The following PRKCB variants were observed in gnomAD, a reference collection of about 807,000 sequenced individuals.
PRKCB encodes protein kinase C beta.
Under a neutral mutation model 81.5 loss-of-function variants are expected in PRKCB, and 13 were observed. That is an observed-to-expected ratio of 0.16 (90% CI 0.10 to 0.25). PRKCB has a LOEUF of 0.25. PRKCB is among the 10% of genes least tolerant of loss of function. The probability of loss-of-function intolerance (pLI) is 1.00; values close to 1 mark genes in which losing one functional copy is unlikely to be tolerated. For missense variants in PRKCB, 509 were observed against 875.7 expected, an observed-to-expected ratio of 0.58 and a Z score of 5.29; for synonymous variants, 335 against 321.4, an observed-to-expected ratio of 1.04 and a Z score of -0.45.
chr16:24,005,050 G>A (rs903104434), intron 3 of PRKCB, among the ~76,000 whole-genome samples: 1 of 152,110 alleles, frequency 6.6e-6, no homozygotes, highest in African/African-American at 2.4e-5. Context: ...GGGATAAGGG[G>A]AATGTTCTGT....
intron 9 of PRKCB, among the ~76,000 whole-genome samples, chr16:24,135,714 G>A (rs1966862584): frequency 1.3e-5 from 2 of 152,116 alleles, no homozygotes; most frequent in African/African-American, 4.8e-5. Flanking sequence ...AGGAACAAAG[G>A]CCTTCTCTAA....
intron 5 of PRKCB, among the ~76,000 whole-genome samples, chr16:24,062,211 G>T (rs1965983093): frequency 6.6e-6 from 1 of 152,190 alleles, no homozygotes; most frequent in South Asian, 2.1e-4. Context: ...CTTGTGATCT[G>T]GGCCAGCTTG....
chr16:23,845,907 C>T (rs992059822), intron 2 of PRKCB, among the ~76,000 whole-genome samples: 4 of 152,190 alleles, frequency 2.6e-5, no homozygotes, highest in South Asian at 4.2e-4. Context: ...CAAGTCTGGG[C>T]CAATAGATTG....
intron 2 of PRKCB, among the ~76,000 whole-genome samples, chr16:23,887,941 T>C (rs1963230262): frequency 6.6e-6 from 1 of 152,210 alleles, no homozygotes; most frequent in South Asian, 2.1e-4. Flanking sequence ...GGCTGGCAGC[T>C]GTATGGTCCT....
At chr16:23,967,920 G>A (rs1463048195) in intron 2 of PRKCB, among the ~76,000 whole-genome samples, 2 of 152,184 alleles carry the variant, frequency 1.3e-5, no homozygotes, top group Non-Finnish European at 2.9e-5. Context: ...CTTCCAAAGT[G>A]TTTGGATTAT....
intron 5 of PRKCB, among the ~76,000 whole-genome samples, chr16:24,088,392 G>T (rs1210510750): frequency 1.3e-5 from 2 of 152,130 alleles, no homozygotes; most frequent in African/African-American, 2.4e-5. Flanking sequence ...TCATGCCTCA[G>T]TGAGTAATGT....
chr16:23,848,604 C>T (rs1338791426), intron 2 of PRKCB, among the ~76,000 whole-genome samples: 1 of 152,188 alleles, frequency 6.6e-6, no homozygotes, highest in Non-Finnish European at 1.5e-5. Context: ...CCCACTCCCT[C>T]TCCCTCTCCA....
intron 2 of PRKCB, among the ~76,000 whole-genome samples, chr16:23,866,986 C>T (rs1198650738): frequency 1.2e-4 from 8 of 64,788 alleles, no homozygotes; most frequent in Admixed American, 3.6e-4. Context: ...TCCCTTCCTT[C>T]CCTTCCTTCC....
intron 5 of PRKCB, among the ~76,000 whole-genome samples, chr16:24,070,587 G>A (rs1966095345): frequency 6.6e-6 from 1 of 152,192 alleles, no homozygotes; most frequent in African/African-American, 2.4e-5. Flanking sequence ...ATAGGTTGCA[G>A]TCATTACAAC....
chr16:24,176,809 G>T (rs1967540985), intron 12 of PRKCB, among the ~76,000 whole-genome samples: 1 of 151,464 alleles, frequency 6.6e-6, no homozygotes, highest in African/African-American at 2.4e-5. Context: ...CAGGAGAATT[G>T]CTTGAACCCG....
chr16:24,116,981 G>A (rs185481598), intron 8 of PRKCB, among the ~76,000 whole-genome samples: 13 of 151,444 alleles, frequency 8.6e-5, no homozygotes, highest in African/African-American at 3.2e-4. Flanking sequence ...TGTTTTATCC[G>A]CATGCAAGAA....
intron 6 of PRKCB, among the ~76,000 whole-genome samples, chr16:24,093,292 G>A (rs1966399012): frequency 6.6e-6 from 1 of 152,256 alleles, no homozygotes; most frequent in Non-Finnish European, 1.5e-5. Flanking sequence ...TAACCTACAG[G>A]GTGTGGTGAC....
intron 2 of PRKCB, among the ~76,000 whole-genome samples, chr16:23,908,168 T>C (rs1963591361): frequency 6.6e-6 from 1 of 151,924 alleles, no homozygotes; most frequent in South Asian, 2.1e-4. Context: ...TGGCTGAGGT[T>C]TGAGCAAGGC....
chr16:24,212,616 A>G lies in PRKCB; in HGVS notation c.1864-2042A>G, dbSNP rs182298696. ...CTCAGTTTCCTGAGTAGCTGGGACTACAGGCATGCACCACCATGCCCAGCT... is the reference window on the plus strand; with the variant it reads ...CTCAGTTTCCTGAGTAGCTGGGACTGCAGGCATGCACCACCATGCCCAGCT... On this transcript the variant is annotated intron_variant, in intron 16 of 16. Coordinates refer to ENST00000643927, the MANE Select transcript of PRKCB (RefSeq NM_002738.7). Among the ~76,000 whole-genome samples, 1,138 of 152,058 alleles carry G rather than the reference A, an allele frequency of 7.5e-3. 20 individuals are homozygous for G. Among genetic ancestry groups the G allele is most frequent in the African/African-American group, 0.026 (1,068 of 41,466 alleles).
At chr16:23,929,678 G>A (rs970674440) in intron 2 of PRKCB, among the ~76,000 whole-genome samples, 2 of 152,130 alleles carry the variant, frequency 1.3e-5, no homozygotes, top group Non-Finnish European at 2.9e-5. Flanking sequence ...ACAGTGCCTG[G>A]CATGTAATGG....
chr16:24,107,797 C>T (rs1055462216), intron 7 of PRKCB, among the ~76,000 whole-genome samples: 10 of 152,222 alleles, frequency 6.6e-5, no homozygotes, highest in South Asian at 2.1e-4. Context: ...TGGTCTCAGC[C>T]GGGGTCATTA....
chr16:24,047,028 G>A (rs1388260675), intron 5 of PRKCB, among the ~76,000 whole-genome samples: 1 of 151,864 alleles, frequency 6.6e-6, no homozygotes, highest in Non-Finnish European at 1.5e-5. Context: ...AACACAGTGA[G>A]AAAAAAAGTC....
chr16:23,943,885 A>G (rs990072246), intron 2 of PRKCB, among the ~76,000 whole-genome samples: 3 of 152,130 alleles, frequency 2.0e-5, no homozygotes, highest in Non-Finnish European at 4.4e-5. Context: ...TCATAACAAC[A>G]TAGAGGGGAA....
At chr16:23,903,147 A>C (rs1222444210) in intron 2 of PRKCB, among the ~76,000 whole-genome samples, 1 of 151,610 alleles carries the variant, frequency 6.6e-6, no homozygotes, top group East Asian at 1.9e-4. Flanking sequence ...TGTTATTTCT[A>C]AACCCTCCCC....
Sources: allele counts gnomAD v4.1 joint callset (sites outside exome capture counted in the v4.1 genomes callset), GRCh38; gene constraint gnomAD v4.1.1; transcripts MANE v1.5; gene names NCBI Gene and HGNC (gene_info 2026-07-23, HGNC 2026-07-21).